Variants in NAALADL2 observed in about 807,000 individuals in gnomAD.
The protein encoded by NAALADL2 is inactive N-acetylated-alpha-linked acidic dipeptidase-like protein 2.
A neutral mutation model predicts 87.2 loss-of-function variants in NAALADL2; 76 were observed. The observed-to-expected ratio is 0.87, with a 90% confidence interval of 0.72 to 1.05. The LOEUF (loss-of-function observed/expected upper bound fraction) is 1.05. NAALADL2 is among the 50% of genes least tolerant of loss of function. NAALADL2 has a pLI of 0.00. For synonymous variants in NAALADL2, 354 were observed against 331.0 expected (o/e 1.07, Z -0.75); for missense variants, 1,089 against 945.8 (o/e 1.15, Z -1.99).
At chr3:174,870,532 G>C (rs976569938) in intron 1 of NAALADL2, among the ~76,000 whole-genome samples, 1 of 151,870 alleles carries the variant, frequency 6.6e-6, no homozygotes, top group African/African-American at 2.4e-5. Flanking sequence ...TGGATAATCC[G>C]TGATTGACAT....
At chr3:175,227,873 G>A (rs572056163) in intron 2 of NAALADL2, among the ~76,000 whole-genome samples, 1 of 151,830 alleles carries the variant, frequency 6.6e-6, no homozygotes, top group Non-Finnish European at 1.5e-5. Flanking sequence ...AGAGAAGCAT[G>A]TACATTAAAC....
intron 4 of NAALADL2, among the ~76,000 whole-genome samples, chr3:175,276,822 T>C (rs1753671530): frequency 6.6e-6 from 1 of 152,160 alleles, no homozygotes; most frequent in South Asian, 2.1e-4. Flanking sequence ...TTTTCAATCT[T>C]AATAGTGCAA....
intron 1 of NAALADL2, among the ~76,000 whole-genome samples, chr3:174,528,449 G>C (rs993947565): frequency 1.3e-5 from 2 of 152,124 alleles, no homozygotes; most frequent in East Asian, 3.9e-4. Context: ...GGCCAACATG[G>C]TGAAACCTAG....
intron 2 of NAALADL2, among the ~76,000 whole-genome samples, chr3:175,193,386 C>G (rs1738497954): frequency 6.6e-6 from 1 of 151,638 alleles, no homozygotes; most frequent in East Asian, 1.9e-4. Flanking sequence ...CTACACGGGC[C>G]CTTATGCATG....
intron 5 of NAALADL2, among the ~76,000 whole-genome samples, chr3:175,344,827 G>T (rs1053075820): frequency 6.6e-6 from 1 of 151,884 alleles, no homozygotes; most frequent in Non-Finnish European, 1.5e-5. Context: ...AACTACATTA[G>T]AAATAAAATA....
chr3:175,065,719 A>G (rs1004329575), intron 1 of NAALADL2, among the ~76,000 whole-genome samples: 28 of 152,232 alleles, frequency 1.8e-4, no homozygotes, highest in Non-Finnish European at 1.5e-5. Flanking sequence ...TCATGGAGAA[A>G]AAAAAGAGAG....
At chr3:174,490,563 T>C (rs928470368) in intron 1 of NAALADL2, among the ~76,000 whole-genome samples, 1 of 152,146 alleles carries the variant, frequency 6.6e-6, no homozygotes, top group African/African-American at 2.4e-5. Flanking sequence ...TAGATCTCAA[T>C]AAAGATCTTT....
chr3:175,783,458 C>A (rs1266353882), intron 13 of NAALADL2, among the ~76,000 whole-genome samples: 1 of 151,586 alleles, frequency 6.6e-6, no homozygotes, highest in East Asian at 1.9e-4. Context: ...ATTTTATTCT[C>A]TTGGAAGCAA....
At chr3:175,121,962 T>C (rs1487571627) in intron 2 of NAALADL2, among the ~76,000 whole-genome samples, 2 of 151,858 alleles carry the variant, frequency 1.3e-5, no homozygotes, top group Non-Finnish European at 2.9e-5. Flanking sequence ...TTCTTTCCCG[T>C]CCTGTCTTTA....
intron 13 of NAALADL2, among the ~76,000 whole-genome samples, chr3:175,779,622 G>A (rs1750736417): frequency 2.0e-5 from 3 of 152,060 alleles, no homozygotes; most frequent in African/African-American, 7.2e-5. Flanking sequence ...TGTAAATAAA[G>A]TTTTATTTTG....
intron 1 of NAALADL2, among the ~76,000 whole-genome samples, chr3:174,987,032 C>G (rs1412571373): frequency 6.6e-6 from 1 of 152,140 alleles, no homozygotes; most frequent in Non-Finnish European, 1.5e-5. Flanking sequence ...ACTAAATGCA[C>G]TGCCCACTTC....
At chr3:175,284,081 A>G (rs1205603742) in intron 4 of NAALADL2, among the ~76,000 whole-genome samples, 1 of 152,024 alleles carries the variant, frequency 6.6e-6, no homozygotes, top group Non-Finnish European at 1.5e-5. Context: ...TCCCAACAAT[A>G]TTAGTGTAGT....
intron 1 of NAALADL2, among the ~76,000 whole-genome samples, chr3:174,929,029 C>A (rs964702339): frequency 6.6e-6 from 1 of 151,988 alleles, no homozygotes; most frequent in African/African-American, 2.4e-5. Flanking sequence ...ATTTTATAAG[C>A]TGTTATATGG....
At chr3:175,543,944 G>T (rs899626589) in intron 9 of NAALADL2, among the ~76,000 whole-genome samples, 2 of 152,186 alleles carry the variant, frequency 1.3e-5, no homozygotes, top group African/African-American at 4.8e-5. Flanking sequence ...ACATACAAAG[G>T]CAGGGAGTTC....
At chr3:175,588,771 C>G (rs1720946434) in intron 10 of NAALADL2, among the ~76,000 whole-genome samples, 1 of 151,972 alleles carries the variant, frequency 6.6e-6, no homozygotes, top group Admixed American at 6.6e-5. Context: ...ATCTCCTGAC[C>G]TCGTGATCCG....
At chr3:175,121,717 G>A (rs1249592735) in intron 2 of NAALADL2, among the ~76,000 whole-genome samples, 1 of 151,720 alleles carries the variant, frequency 6.6e-6, no homozygotes, top group Non-Finnish European at 1.5e-5. Context: ...CCCTATGCAG[G>A]TCCTCATTCC....
chr3:175,035,423 T>C (rs1262044538), intron 1 of NAALADL2, among the ~76,000 whole-genome samples: 3 of 152,038 alleles, frequency 2.0e-5, no homozygotes, highest in Non-Finnish European at 4.4e-5. Context: ...GAGAGCAATA[T>C]AAGATAAGAC....
At position 175,232,613 on chromosome 3, in the gene NAALADL2, A is replaced by G. The variant is rs79549911; in HGVS notation, c.546-1318A>G. 4.7e-4 allele frequency among the ~76,000 whole-genome samples: 71 copies of G among 152,320 alleles called. No homozygotes were observed. In the East Asian group the frequency reaches 0.014, roughly 29 times the overall value. On this transcript the variant is annotated intron_variant, in intron 2 of 13. Coordinates refer to ENST00000454872, the MANE Select transcript of NAALADL2 (RefSeq NM_207015.3). The stretch of plus-strand genomic sequence containing the variant: ...TACAAAGTCTCAAAATGTTTTCAGA[A>G]AGCTTACGAATTTGCATTGGCCCAC...
chr3:175,130,137 C>A (rs1727597400), intron 2 of NAALADL2, among the ~76,000 whole-genome samples: 1 of 152,074 alleles, frequency 6.6e-6, no homozygotes, highest in Non-Finnish European at 1.5e-5. Context: ...GGTTTCTTCC[C>A]CATTTTTAAA....
Sources: allele counts gnomAD v4.1 joint callset (sites outside exome capture counted in the v4.1 genomes callset), GRCh38; gene constraint gnomAD v4.1.1; transcripts MANE v1.5; gene names NCBI Gene and HGNC (gene_info 2026-07-23, HGNC 2026-07-21).